The following RAI1 variants were observed in gnomAD, a reference collection of about 807,000 sequenced individuals.
The protein encoded by RAI1 is retinoic acid induced 1.
RAI1 carries 9 observed loss-of-function variants against 123.8 expected under a neutral mutation model. The ratio of observed to expected loss-of-function variants is 0.07; its 90% confidence interval spans 0.04 to 0.13. RAI1 has a LOEUF of 0.13. Ranked by LOEUF, RAI1 falls within the 10% of genes least tolerant of loss-of-function variation. The pLI, the probability that RAI1 is intolerant of heterozygous loss-of-function variation, is 1.00. For synonymous variants in RAI1, 1,231 were observed against 1,127.3 expected (o/e 1.09, Z -1.84); for missense variants, 2,256 against 2,545.8 (o/e 0.89, Z 2.45).
At chr17:17,684,611 A>G (rs1024861100) in intron 1 of RAI1, 1 of 150,578 alleles carries the variant, frequency 6.6e-6, no homozygotes, top group Non-Finnish European at 1.5e-5. Flanking sequence ...CCCTCCCTGC[A>G]GGTAACCCCA....
intron 2 of RAI1, among the ~76,000 whole-genome samples, chr17:17,738,169 G>A (rs1048956272): frequency 6.6e-6 from 1 of 152,186 alleles, no homozygotes; most frequent in East Asian, 1.9e-4. Context: ...GCCATGGGAA[G>A]GTTGGGCCTC....
intron 3 of RAI1, 22 bp downstream of exon 3, chr17:17,798,535 G>A (rs2032351447): frequency 1.3e-6 from 2 of 1,597,624 alleles, no homozygotes; most frequent in South Asian, 1.1e-5. Context: ...GCCCAGCCAG[G>A]GTGGGGAGTG....
At chr17:17,767,170 A>G (rs749258257) in intron 2 of RAI1, among the ~76,000 whole-genome samples, 5 of 152,192 alleles carry the variant, frequency 3.3e-5, no homozygotes, top group Non-Finnish European at 7.3e-5. Context: ...CCAGGTGGAA[A>G]TGTCCCAGGG....
chr17:17,750,566 A>T (rs894138299), intron 2 of RAI1, among the ~76,000 whole-genome samples: 3 of 152,080 alleles, frequency 2.0e-5, no homozygotes, highest in African/African-American at 7.2e-5. Flanking sequence ...TACTAAAAAT[A>T]CAAAATTAGC....
intron 2 of RAI1, among the ~76,000 whole-genome samples, chr17:17,731,359 A>C (rs959043456): frequency 6.6e-6 from 1 of 152,240 alleles, no homozygotes; most frequent in Non-Finnish European, 1.5e-5. Flanking sequence ...TCCAAGGGGA[A>C]GCATTTTGCT....
chr17:17,785,223 C>T (rs1205199196), intron 2 of RAI1, among the ~76,000 whole-genome samples: 1 of 152,218 alleles, frequency 6.6e-6, no homozygotes, highest in Non-Finnish European at 1.5e-5. Context: ...CACACTTTGT[C>T]TCTCCTTCCT....
At chr17:17,713,923 TC>T (rs1915637662) in intron 1 of RAI1, among the ~76,000 whole-genome samples, 1 of 152,138 alleles carries the variant, frequency 6.6e-6, no homozygotes. Flanking sequence ...CTTGCTCTGG[TC>T]CGCGTCTCTG....
At chr17:17,771,734 G>A (rs901753082) in intron 2 of RAI1, among the ~76,000 whole-genome samples, 1 of 152,202 alleles carries the variant, frequency 6.6e-6, no homozygotes. Flanking sequence ...GGGCTGGTAT[G>A]CAGAGTCATC....
At chr17:17,790,839 C>T (rs576809354) in intron 2 of RAI1, among the ~76,000 whole-genome samples, 14 of 152,148 alleles carry the variant, frequency 9.2e-5, no homozygotes, top group Non-Finnish European at 1.5e-4. Context: ...TGGGCACAGG[C>T]CCGCCTGGGC....
At chr17:17,704,075 C>T (rs1011001475) in intron 1 of RAI1, among the ~76,000 whole-genome samples, 1 of 152,190 alleles carries the variant, frequency 6.6e-6, no homozygotes, top group Non-Finnish European at 1.5e-5. Flanking sequence ...TGGGCCAGGG[C>T]CTGGGGACTC....
Position 17,811,375 on chromosome 17 carries a change from TAA to T in RAI1, c.*1395_*1396del, listed in dbSNP as rs1056711112. 8.8e-6 allele frequency: 2 copies of T among 228,270 alleles called. No homozygotes were observed. Among genetic ancestry groups the T allele is most frequent in the African/African-American group, 5.1e-5 (2 of 39,060 alleles). The allele number at this position is 228,270 out of a possible 1,614,324, so 14.1% of individuals were successfully genotyped here. ...GTTTCTAAAAGATGTTTATTTTCCT[TAA>T]GAGTAAAAAACAGTCATTGCATTCA... On this transcript the variant is annotated 3_prime_UTR_variant, in exon 6 of 6. Transcript: ENST00000353383.
chr17:17,682,270 T>C (rs373487084), intron 1 of RAI1, among the ~76,000 whole-genome samples: 2 of 151,638 alleles, frequency 1.3e-5, no homozygotes, highest in South Asian at 2.1e-4. Flanking sequence ...GGCGTGGCCA[T>C]CGCTTGGGAG....
intron 1 of RAI1, among the ~76,000 whole-genome samples, chr17:17,706,606 GA>G (rs34158821): frequency 6.6e-6 from 1 of 152,206 alleles, no homozygotes; most frequent in Non-Finnish European, 1.5e-5. Flanking sequence ...CAGTGACGGG[GA>G]AAGTTTGAGG....
At chr17:17,789,725 T>C (rs866875072) in intron 2 of RAI1, among the ~76,000 whole-genome samples, 2 of 152,220 alleles carry the variant, frequency 1.3e-5, no homozygotes, top group South Asian at 2.1e-4. Context: ...GAGGATGCAC[T>C]AGACTCCGCT....
At chr17:17,749,261 AC>A (rs1352364328) in intron 2 of RAI1, among the ~76,000 whole-genome samples, 1 of 152,072 alleles carries the variant, frequency 6.6e-6, no homozygotes, top group Non-Finnish European at 1.5e-5. Flanking sequence ...CCGGCTGGAG[AC>A]GACTCTTGAT....
intron 2 of RAI1, among the ~76,000 whole-genome samples, chr17:17,786,517 G>T (rs1430852327): frequency 6.6e-6 from 1 of 152,188 alleles, no homozygotes; most frequent in Non-Finnish European, 1.5e-5. Flanking sequence ...TCAAACAGTG[G>T]TCAGGGAAGG....
At chr17:17,783,027 TCGAG>T (rs1174360846) in intron 2 of RAI1, among the ~76,000 whole-genome samples, 1 of 152,092 alleles carries the variant, frequency 6.6e-6, no homozygotes, top group East Asian at 1.9e-4. Flanking sequence ...TCGGCTGACT[TCGAG>T]GGCGGCTACG....
chr17:17,715,901 G>A (rs1418251740), intron 1 of RAI1, among the ~76,000 whole-genome samples: 1 of 152,194 alleles, frequency 6.6e-6, no homozygotes, highest in Admixed American at 6.5e-5. Context: ...TGTCCGTTCC[G>A]TGCCCTCCTA....
intron 1 of RAI1, 51 bp downstream of exon 1, chr17:17,681,844 G>A (rs906596411): frequency 1.0e-4 from 27 of 257,500 alleles, no homozygotes; most frequent in African/African-American, 3.5e-4. Flanking sequence ...CTGCCCCGGG[G>A]CGGGGGCGGC....
Sources: allele counts gnomAD v4.1 joint callset (sites outside exome capture counted in the v4.1 genomes callset), GRCh38; gene constraint gnomAD v4.1.1; transcripts MANE v1.5; gene names NCBI Gene and HGNC (gene_info 2026-07-23, HGNC 2026-07-21).